HS3ST3B1: variants seen among roughly 807,000 people sequenced by gnomAD.
HS3ST3B1 encodes the protein heparan sulfate-glucosamine 3-sulfotransferase 3B1.
Under a neutral mutation model 21.3 loss-of-function variants are expected in HS3ST3B1, and 13 were observed. That is an observed-to-expected ratio of 0.61 (90% CI 0.40 to 0.97). The LOEUF is 0.97. Among genes scored for constraint, HS3ST3B1 ranks in the 50% least tolerant of loss-of-function variants. The pLI, the probability that HS3ST3B1 is intolerant of heterozygous loss-of-function variation, is 0.00. For synonymous variants in HS3ST3B1, 234 were observed against 254.8 expected (o/e 0.92, Z 0.78); for missense variants, 459 against 554.8 (o/e 0.83, Z 1.73).
intron 1 of HS3ST3B1, among the ~76,000 whole-genome samples, chr17:14,329,633 A>G (rs1282944221): frequency 6.6e-6 from 1 of 152,216 alleles, no homozygotes; most frequent in Non-Finnish European, 1.5e-5. Flanking sequence ...TTGGCTGATC[A>G]TCTAATTCAT....
intron 1 of HS3ST3B1, among the ~76,000 whole-genome samples, chr17:14,333,856 G>T (rs775896254): frequency 6.6e-6 from 1 of 151,866 alleles, no homozygotes; most frequent in African/African-American, 2.4e-5. Flanking sequence ...AACCTCTCCC[G>T]GGTTCAAGCG....
intron 1 of HS3ST3B1, among the ~76,000 whole-genome samples, chr17:14,330,554 T>A (rs1344078688): frequency 7.3e-6 from 1 of 136,826 alleles, no homozygotes; most frequent in African/African-American, 3.5e-5. Context: ...TTTCCCGGTG[T>A]GTGTGTGTGT....
At chr17:14,343,136 GA>G in intron 1 of HS3ST3B1, among the ~76,000 whole-genome samples, 1 of 151,950 alleles carries the variant, frequency 6.6e-6, no homozygotes, top group Non-Finnish European at 1.5e-5. Context: ...CAGGTACTCA[GA>G]AGGTTGAGGC....
chr17:14,313,092 T>G (rs1019258363), intron 1 of HS3ST3B1, among the ~76,000 whole-genome samples: 21 of 67,684 alleles, frequency 3.1e-4, no homozygotes, highest in South Asian at 7.5e-4. Flanking sequence ...TGTGTGTGTG[T>G]GGTGTGTGTG....
rs1275549514 is a variant in HS3ST3B1 at position 14,303,924 on chromosome 17, C to T, written c.554+1852C>T. The T allele has an allele frequency of 6.6e-6, 1 of 152,190 alleles. No homozygotes were observed. The highest frequency in any genetic ancestry group is 6.5e-5 in the Admixed American group (1 of 15,272). 9.4% of individuals were successfully genotyped at this position (152,190 alleles called of 1,614,324 possible). On this transcript the variant is annotated intron_variant, in intron 1 of 1. Transcript: ENST00000360954. The surrounding 1 kb of genome is among the most constrained non-coding windows in gnomAD (Gnocchi z 5.7). Reference sequence around the variant, plus strand: ...AAAGGACTGAACCCTTAATGTCAGGCGGTTTTGAAGCACCTGGGGCAAGCT... The same window carrying T: ...AAAGGACTGAACCCTTAATGTCAGGTGGTTTTGAAGCACCTGGGGCAAGCT...
At chr17:14,332,829 CTTTTTTTTTTTTT>C (rs71147859) in intron 1 of HS3ST3B1, among the ~76,000 whole-genome samples, 1 of 91,040 alleles carries the variant, frequency 1.1e-5, no homozygotes, top group Non-Finnish European at 2.1e-5. Context: ...GACCTTTTAT[CTTTTTTTTTTTTT>C]TTTTTTTTTT....
chr17:14,302,763 C>G (rs926149374), intron 1 of HS3ST3B1, among the ~76,000 whole-genome samples: 1 of 152,136 alleles, frequency 6.6e-6, no homozygotes, highest in Non-Finnish European at 1.5e-5. Flanking sequence ...GCACTGCAAC[C>G]GGCTGGAGCG....
intron 1 of HS3ST3B1, among the ~76,000 whole-genome samples, chr17:14,332,262 T>G (rs1447820920): frequency 6.6e-6 from 1 of 152,176 alleles, no homozygotes; most frequent in Non-Finnish European, 1.5e-5. Flanking sequence ...AAGACAGTAG[T>G]TTAGGCCATG....
At position 14,301,770 on chromosome 17, in the gene HS3ST3B1, G is replaced by GC; in HGVS notation, c.258dup (p.Arg87GlnfsTer273). 3 of 1,570,424 alleles carry GC rather than the reference G, an allele frequency of 1.9e-6. No individual in the cohort carries two copies. The highest frequency in any genetic ancestry group is 1.2e-5 in the South Asian group (1 of 86,942). On this transcript the variant is annotated frameshift_variant, in exon 1 of 2. Transcript: ENST00000360954. LOFTEE classifies it high-confidence loss of function. ...CCCTGGCCACAGCTCCGGACGGGAC[G>GC]CCCCCCAGGCTGCCGTTCCGGGCGC...
At chr17:14,325,577 TC>T (rs1171640873) in intron 1 of HS3ST3B1, among the ~76,000 whole-genome samples, 11 of 152,232 alleles carry the variant, frequency 7.2e-5, no homozygotes, top group African/African-American at 2.7e-4. Flanking sequence ...GCAGAGTCTC[TC>T]AAAAGCAATA....
At position 14,303,358 on chromosome 17, in the gene HS3ST3B1, T is replaced by G. The variant is rs1322922461; in HGVS notation, c.554+1286T>G. Among the ~76,000 whole-genome samples, 3 of 152,198 alleles carry G rather than the reference T, an allele frequency of 2.0e-5. No individual in the cohort carries two copies. The highest frequency in any genetic ancestry group is 1.3e-4 in the Admixed American group (2 of 15,274). On this transcript the variant is annotated intron_variant, in intron 1 of 1. Coordinates refer to ENST00000360954, the MANE Select transcript of HS3ST3B1 (RefSeq NM_006041.3). This position sits in a 1 kb window ranked among gnomAD's most constrained non-coding sequence, Gnocchi z 5.7. ...GGTGGGTTGGAGAATAAAAGAGGGCTGACCCCGCGGATTAAAACGGCTCCC... is the reference window on the plus strand; with the variant it reads ...GGTGGGTTGGAGAATAAAAGAGGGCGGACCCCGCGGATTAAAACGGCTCCC...
Position 14,302,026 on chromosome 17 carries a change from C to G in HS3ST3B1, c.508C>G (p.Pro170Ala). 6.2e-7 allele frequency: 1 copy of G among 1,608,276 alleles called. No individual in the cohort carries two copies. Among genetic ancestry groups the G allele is most frequent in the Non-Finnish European group, 8.5e-7 (1 of 1,179,294 alleles). The change falls in exon 1 of 2, where the codon CCC becomes GCC. Residue 170 changes from proline to alanine, a missense_variant. This residue lies in a region of HS3ST3B1 where 317 missense variants were observed against 278.6 expected (regional missense o/e 1.14). Coordinates refer to ENST00000360954, the MANE Select transcript of HS3ST3B1 (RefSeq NM_006041.3). ...HPDVRAVGAE[P>A]HFFDRSYDKG... Reference sequence around the variant, plus strand: ...CGACGTGCGCGCCGTGGGCGCCGAGCCCCATTTCTTCGATCGCAGCTACGA... The same window carrying G: ...CGACGTGCGCGCCGTGGGCGCCGAGGCCCATTTCTTCGATCGCAGCTACGA...
intron 1 of HS3ST3B1, among the ~76,000 whole-genome samples, chr17:14,317,609 C>G (rs940042882): frequency 4.6e-5 from 7 of 152,064 alleles, no homozygotes; most frequent in African/African-American, 1.7e-4. Context: ...ATATTCAGGG[C>G]TGGGAAGCTC....
chr17:14,334,268 GTTT>G (rs11384759), intron 1 of HS3ST3B1, among the ~76,000 whole-genome samples: 1 of 146,900 alleles, frequency 6.8e-6, no homozygotes, highest in Non-Finnish European at 1.5e-5. Flanking sequence ...TTTTTTCATG[GTTT>G]TTTTTTTTTT....
chr17:14,333,433 A>C (rs1201274688), intron 1 of HS3ST3B1, among the ~76,000 whole-genome samples: 1 of 151,248 alleles, frequency 6.6e-6, no homozygotes, highest in Non-Finnish European at 1.5e-5. Flanking sequence ...GCACCACTGC[A>C]CTCCAGCCTG....
At chr17:14,312,604 T>C (rs921335001) in intron 1 of HS3ST3B1, among the ~76,000 whole-genome samples, 4 of 152,164 alleles carry the variant, frequency 2.6e-5, no homozygotes, top group African/African-American at 7.2e-5. Context: ...CCCAGCACTT[T>C]CCTGCCATCC....
Position 14,301,640 on chromosome 17 carries a change from G to T in HS3ST3B1, c.122G>T (p.Cys41Phe). Residue 41 changes from cysteine to phenylalanine, a missense_variant, in exon 1 of 2, where the codon TGC becomes TTC. Cys to Phe is a radical substitution (Grantham distance 205, BLOSUM62 -2). Transcript: ENST00000360954. ...CTCGCGCTGCTCTTCGCCATGCTCT[G>T]CGTCTGGCTCTATATGTTCCTGTAC... is the stretch of plus-strand genomic sequence containing the variant. ...RKLALLFAML[C>F]VWLYMFLYSC... 6.2e-7 allele frequency: 1 copy of T among 1,608,140 alleles called. No homozygotes were observed. The highest frequency in any genetic ancestry group is 8.5e-7 in the Non-Finnish European group (1 of 1,178,872).
chr17:14,326,944 AAAG>A (rs894298991), intron 1 of HS3ST3B1, among the ~76,000 whole-genome samples: 14 of 148,126 alleles, frequency 9.5e-5, no homozygotes, highest in East Asian at 2.0e-4. Context: ...AAAAAAAAAA[AAAG>A]AAGAAGAAGA....
chr17:14,313,113 T>TAC (rs1555548212), intron 1 of HS3ST3B1, among the ~76,000 whole-genome samples: 6 of 129,934 alleles, frequency 4.6e-5, no homozygotes, highest in African/African-American at 6.0e-5. Flanking sequence ...TGTGTGTATA[T>TAC]ATATATATAT....
Sources: allele counts gnomAD v4.1 joint callset (sites outside exome capture counted in the v4.1 genomes callset), GRCh38; gene constraint gnomAD v4.1.1; regional missense constraint gnomAD v4.1.1; non-coding constraint Gnocchi (gnomAD v3.1); transcripts MANE v1.5; gene names NCBI Gene and HGNC (gene_info 2026-07-23, HGNC 2026-07-21).